The following RNGTT variants were observed in gnomAD, a reference collection of about 807,000 sequenced individuals.
RNGTT encodes the protein RNA guanylyltransferase and 5'-phosphatase, also known as mRNA-capping enzyme.
Under a neutral mutation model 79.3 loss-of-function variants are expected in RNGTT, and 33 were observed. The ratio of observed to expected loss-of-function variants is 0.42; its 90% CI spans 0.32 to 0.56. The LOEUF is 0.56. RNGTT is among the 20% of genes least tolerant of loss of function. RNGTT has a pLI of 0.17. For missense variants in RNGTT, 497 were observed against 739.1 expected (o/e 0.67, Z 3.80); for synonymous variants, 222 against 235.9 (o/e 0.94, Z 0.54).
chr6:88,923,389 A>G (rs1784221881), intron 4 of RNGTT, among the ~76,000 whole-genome samples: 1 of 152,208 alleles, frequency 6.6e-6, no homozygotes, highest in African/African-American at 2.4e-5. Flanking sequence ...ACTTTTAAGG[A>G]TCTTGAGAAA....
chr6:88,690,301 C>T (rs974795843), intron 13 of RNGTT, among the ~76,000 whole-genome samples: 1 of 151,804 alleles, frequency 6.6e-6, no homozygotes, highest in African/African-American at 2.4e-5. Flanking sequence ...AATAAATGTC[C>T]TATGGTTATG....
intron 13 of RNGTT, among the ~76,000 whole-genome samples, chr6:88,723,332 C>T (rs1233480335): frequency 6.6e-6 from 1 of 152,214 alleles, no homozygotes; most frequent in African/African-American, 2.4e-5. Flanking sequence ...ACGAACAATT[C>T]TTCTGACAGA....
intron 11 of RNGTT, among the ~76,000 whole-genome samples, chr6:88,819,293 A>T (rs1780425718): frequency 6.6e-6 from 1 of 152,154 alleles, no homozygotes; most frequent in South Asian, 2.1e-4. Flanking sequence ...GAAGGTTTCA[A>T]GTAGAAATAG....
chr6:88,791,963 T>C (rs1779437668), intron 12 of RNGTT, among the ~76,000 whole-genome samples: 1 of 152,226 alleles, frequency 6.6e-6, no homozygotes, highest in Admixed American at 6.5e-5. Flanking sequence ...ACACCATTGA[T>C]ACTATTCGAG....
intron 14 of RNGTT, among the ~76,000 whole-genome samples, chr6:88,658,943 T>G (rs964341983): frequency 1.3e-5 from 2 of 152,246 alleles, no homozygotes; most frequent in African/African-American, 4.8e-5. Context: ...TTTGAGGTTT[T>G]AGAACTCAGA....
At chr6:88,761,080 A>T (rs1778218058) in intron 13 of RNGTT, among the ~76,000 whole-genome samples, 1 of 151,224 alleles carries the variant, frequency 6.6e-6, no homozygotes, top group Non-Finnish European at 1.5e-5. Context: ...GAGTAAAAAG[A>T]CTTTTCCGAT....
chr6:88,792,723 T>C (rs2127856834), intron 12 of RNGTT, among the ~76,000 whole-genome samples: 1 of 152,306 alleles, frequency 6.6e-6, no homozygotes, highest in African/African-American at 2.4e-5. Flanking sequence ...ACTCTGGTGA[T>C]GGTGGCCTAA....
At chr6:88,945,803 C>T (rs896745784) in intron 1 of RNGTT, among the ~76,000 whole-genome samples, 1 of 152,158 alleles carries the variant, frequency 6.6e-6, no homozygotes, top group Non-Finnish European at 1.5e-5. Flanking sequence ...ATACGACTAC[C>T]AAGCCTGGCC....
chr6:88,652,682 T>C (rs1773839922), intron 14 of RNGTT, among the ~76,000 whole-genome samples: 1 of 152,176 alleles, frequency 6.6e-6, no homozygotes, highest in Non-Finnish European at 1.5e-5. Context: ...GAGAGAATTA[T>C]CAGGAAAATG....
intron 13 of RNGTT, among the ~76,000 whole-genome samples, chr6:88,711,317 C>T (rs923930581): frequency 1.3e-5 from 2 of 152,140 alleles, no homozygotes; most frequent in Non-Finnish European, 2.9e-5. Flanking sequence ...TAGTGAAGAG[C>T]TTAGTTCCAA....
intron 8 of RNGTT, among the ~76,000 whole-genome samples, chr6:88,883,136 G>C (rs985444000): frequency 8.1e-6 from 1 of 124,200 alleles, no homozygotes; most frequent in Admixed American, 9.9e-5. Context: ...GAGTTGTAGA[G>C]AGAAGAACAG....
At chr6:88,787,336 G>C (rs1779259973) in intron 12 of RNGTT, among the ~76,000 whole-genome samples, 2 of 152,114 alleles carry the variant, frequency 1.3e-5, no homozygotes, top group South Asian at 4.1e-4. Context: ...GAAAGCACTA[G>C]AGATTAAGGA....
intron 1 of RNGTT, among the ~76,000 whole-genome samples, chr6:88,953,268 TA>T (rs1417986409): frequency 2.0e-5 from 3 of 151,912 alleles, no homozygotes; most frequent in Non-Finnish European, 4.4e-5. Context: ...ATAGAGATCA[TA>T]AAGAAAAAAC....
chr6:88,665,839 G>A (rs945691383), intron 14 of RNGTT, among the ~76,000 whole-genome samples: 5 of 152,218 alleles, frequency 3.3e-5, no homozygotes, highest in African/African-American at 9.6e-5. Flanking sequence ...CATGGCAGTC[G>A]GGTGCGTCAA....
chr6:88,849,315 T>C (rs9353625), intron 10 of RNGTT, among the ~76,000 whole-genome samples: 33,594 of 151,936 alleles, frequency 0.22, 4,496 homozygotes, highest in African/African-American at 0.36. Flanking sequence ...GAAAAAAATG[T>C]CTTTTAATAA....
chr6:88,672,208 T>C (rs1218034267), intron 14 of RNGTT, among the ~76,000 whole-genome samples: 3 of 136,470 alleles, frequency 2.2e-5, no homozygotes, highest in African/African-American at 7.5e-5. Flanking sequence ...TATACATATA[T>C]ATATATATAT....
chr6:88,801,462 TAA>T, intron 12 of RNGTT, 100 bp downstream of exon 12: 1 of 804,394 alleles, frequency 1.2e-6, no homozygotes, highest in East Asian at 2.6e-5. Flanking sequence ...CCCAAGTAAA[TAA>T]GTTTGAGGCA....
chr6:88,652,772 T>TACAA (rs1773845183), intron 14 of RNGTT, among the ~76,000 whole-genome samples: 1 of 152,132 alleles, frequency 6.6e-6, no homozygotes, highest in African/African-American at 2.4e-5. Flanking sequence ...TCTGGAGCTT[T>TACAA]CCTAAATGCA....
intron 14 of RNGTT, among the ~76,000 whole-genome samples, chr6:88,616,893 A>C (rs1317578236): frequency 6.6e-6 from 1 of 152,138 alleles, no homozygotes; most frequent in Admixed American, 6.6e-5. Context: ...TTTAACTTTG[A>C]TGTAGTCCTC....
Sources: allele counts gnomAD v4.1 joint callset (sites outside exome capture counted in the v4.1 genomes callset), GRCh38; gene constraint gnomAD v4.1.1; transcripts MANE v1.5; gene names NCBI Gene and HGNC (gene_info 2026-07-23, HGNC 2026-07-21).